ZBTB38: variants seen among roughly 807,000 people sequenced by gnomAD.
The protein encoded by ZBTB38 is zinc finger and BTB domain-containing protein 38.
Under a neutral mutation model 76.8 loss-of-function variants are expected in ZBTB38, and 20 were observed. The observed-to-expected ratio is 0.26, with a 90% CI of 0.18 to 0.38. The LOEUF (loss-of-function observed/expected upper bound fraction) is 0.38. ZBTB38 is among the 10% of genes least tolerant of loss of function. The probability of loss-of-function intolerance (pLI) is 1.00; values close to 1 mark genes in which losing one functional copy is unlikely to be tolerated. For missense variants in ZBTB38, 1,082 were observed against 1,482.3 expected (o/e 0.73, Z 4.43); for synonymous variants, 504 against 544.2 (o/e 0.93, Z 1.03).
chr3:141,346,144 G>A (rs1024671506), intron 1 of ZBTB38, among the ~76,000 whole-genome samples: 1 of 152,070 alleles, frequency 6.6e-6, no homozygotes. Flanking sequence ...TCCAAGGTGG[G>A]GCTCACCTCA....
Position 141,447,938 on chromosome 3 carries a change from CTTTAT to C in ZBTB38, c.*1968_*1972del, listed in dbSNP as rs768270535. 3.9e-5 allele frequency: 6 copies of C among 152,686 alleles called. No homozygotes were observed. Among genetic ancestry groups the C allele is most frequent in the South Asian group, 2.1e-4 (1 of 4,830 alleles). The allele number at this position is 152,686 out of a possible 1,614,324, so 9.5% of individuals were successfully genotyped here. Reference sequence around the variant, plus strand: ...AATGGGAAAATGCAAGCAAATTCAACTTTATTTTATACATTGTATATATGTACACC... The same window carrying C: ...AATGGGAAAATGCAAGCAAATTCAACTTTATACATTGTATATATGTACACC... On this transcript the variant is annotated 3_prime_UTR_variant, in exon 6 of 6. Coordinates refer to ENST00000321464, the MANE Select transcript of ZBTB38 (RefSeq NM_001376113.1).
chr3:141,386,010 A>G (rs1946993680), intron 3 of ZBTB38: 1 of 152,258 alleles, frequency 6.6e-6, no homozygotes, highest in Admixed American at 6.5e-5. Context: ...GCCTCAAAGT[A>G]AAACAAAGAA....
At chr3:141,381,039 T>G (rs541216468) in intron 2 of ZBTB38, among the ~76,000 whole-genome samples, 9 of 152,304 alleles carry the variant, frequency 5.9e-5, no homozygotes, top group African/African-American at 2.2e-4. Context: ...AAACTCTACT[T>G]CCTTGCTGAA....
chr3:141,385,133 G>A (rs1021729937), intron 3 of ZBTB38, among the ~76,000 whole-genome samples: 14 of 152,302 alleles, frequency 9.2e-5, no homozygotes, highest in Admixed American at 5.9e-4. Flanking sequence ...AGTCCTTACA[G>A]AAGATTGAGG....
intron 1 of ZBTB38, among the ~76,000 whole-genome samples, chr3:141,360,587 A>T (rs1943791400): frequency 6.6e-6 from 1 of 152,206 alleles, no homozygotes; most frequent in South Asian, 2.1e-4. Flanking sequence ...AATTTTTAAA[A>T]AGTAAGGAAC....
intron 4 of ZBTB38, among the ~76,000 whole-genome samples, chr3:141,397,319 T>G (rs2149459998): frequency 6.6e-6 from 1 of 152,332 alleles, no homozygotes; most frequent in East Asian, 1.9e-4. Context: ...TTCCTAGAAT[T>G]GAGGAGAGTT....
intron 5 of ZBTB38, among the ~76,000 whole-genome samples, chr3:141,437,006 T>G (rs573175102): frequency 2.0e-5 from 3 of 152,214 alleles, no homozygotes; most frequent in Admixed American, 6.5e-5. Flanking sequence ...CGTAGCACTT[T>G]CTGAGATCAT....
At chr3:141,380,798 T>C (rs148028020) in intron 2 of ZBTB38, among the ~76,000 whole-genome samples, 32 of 152,342 alleles carry the variant, frequency 2.1e-4, no homozygotes, top group Non-Finnish European at 3.8e-4. Flanking sequence ...GTTGTGGCCC[T>C]TTCTGAGCTG....
At chr3:141,416,190 A>G (rs779345202) in intron 5 of ZBTB38, among the ~76,000 whole-genome samples, 3 of 152,208 alleles carry the variant, frequency 2.0e-5, no homozygotes, top group Admixed American at 1.3e-4. Flanking sequence ...GGTGGTGAGA[A>G]AAGGGCTGCA....
At chr3:141,338,291 C>T (rs1943073912) in intron 1 of ZBTB38, among the ~76,000 whole-genome samples, 1 of 152,072 alleles carries the variant, frequency 6.6e-6, no homozygotes, top group Admixed American at 6.6e-5. Flanking sequence ...TATTACTATA[C>T]TCAAAAAAAA....
At chr3:141,328,715 C>A (rs1241940102) in intron 1 of ZBTB38, among the ~76,000 whole-genome samples, 1 of 152,194 alleles carries the variant, frequency 6.6e-6, no homozygotes, top group Non-Finnish European at 1.5e-5. Context: ...TGCTGACAAC[C>A]CTCCAAGGCG....
chr3:141,358,548 A>G (rs895907311), intron 1 of ZBTB38, among the ~76,000 whole-genome samples: 4 of 152,236 alleles, frequency 2.6e-5, no homozygotes, highest in African/African-American at 9.6e-5. Context: ...TTATTATGAT[A>G]TGATTCACAC....
At chr3:141,419,818 C>T (rs1047999942) in intron 5 of ZBTB38, among the ~76,000 whole-genome samples, 2 of 152,078 alleles carry the variant, frequency 1.3e-5, no homozygotes, top group African/African-American at 4.8e-5. Context: ...GAAACCCCAT[C>T]TCTACTAAAA....
In ZBTB38 at chr3:141,341,647, T is replaced by C. The variant is rs147685155; in HGVS notation, c.-739+17191T>C. On this transcript the variant is annotated intron_variant, in intron 1 of 7. Coordinates refer to the ZBTB38 transcript ENST00000509842. ...AAAACAGATGGTCAGGAGTAGAAGATTAAGAGAAAGAAGAGTTAATATTAT... is the reference window on the plus strand; with the variant it reads ...AAAACAGATGGTCAGGAGTAGAAGACTAAGAGAAAGAAGAGTTAATATTAT... Among the ~76,000 whole-genome samples the C allele has an allele frequency of 3.7e-3, 559 of 152,192 alleles. 5 individuals are homozygous for C. Among genetic ancestry groups the C allele is most frequent in the African/African-American group, 0.012 (501 of 41,516 alleles).
rs553287963 is a variant in ZBTB38 at position 141,382,455 on chromosome 3, T to C, written c.-172+968T>C. On this transcript the variant is annotated intron_variant, in intron 3 of 5. Coordinates refer to ENST00000321464, the MANE Select transcript of ZBTB38 (RefSeq NM_001376113.1). The stretch of plus-strand genomic sequence containing the variant: ...GTGATCTTGGGCAAATCGTTGTATC[T>C]CTCTCGGCCTGTTTGGTCACCTGTG... Among the ~76,000 whole-genome samples, 14 of 152,108 alleles carry C rather than the reference T, an allele frequency of 9.2e-5. No individual in the cohort carries two copies. In the East Asian group the frequency reaches 2.7e-3, roughly 29 times the overall value.
At chr3:141,395,880 C>A (rs1026545987) in intron 4 of ZBTB38, among the ~76,000 whole-genome samples, 1 of 152,136 alleles carries the variant, frequency 6.6e-6, no homozygotes, top group Non-Finnish European at 1.5e-5. Flanking sequence ...GTGTGTAGTA[C>A]CATTATGCCT....
intron 3 of ZBTB38, chr3:141,386,193 A>C (rs1329251832): frequency 6.6e-6 from 1 of 152,144 alleles, no homozygotes; most frequent in East Asian, 1.9e-4. Context: ...TGCTGCTGTA[A>C]GTCTTAGTAT....
At chr3:141,355,973 C>CT (rs1355496404) in intron 1 of ZBTB38, among the ~76,000 whole-genome samples, 1 of 152,084 alleles carries the variant, frequency 6.6e-6, no homozygotes, top group African/African-American at 2.4e-5. Flanking sequence ...CCTTATCATG[C>CT]TTTTTTGCTG....
At chr3:141,339,425 G>A (rs956925643) in intron 1 of ZBTB38, among the ~76,000 whole-genome samples, 4 of 152,192 alleles carry the variant, frequency 2.6e-5, no homozygotes, top group Non-Finnish European at 4.4e-5. Context: ...GTGGAGAAAT[G>A]TTGGTAGGTG....
Sources: allele counts gnomAD v4.1 joint callset (sites outside exome capture counted in the v4.1 genomes callset), GRCh38; gene constraint gnomAD v4.1.1; transcripts MANE v1.5; gene names NCBI Gene and HGNC (gene_info 2026-07-23, HGNC 2026-07-21).